CHM: variants seen among roughly 807,000 people sequenced by gnomAD.
The protein encoded by CHM is rab proteins geranylgeranyltransferase component A 1.
A neutral mutation model predicts 49.0 loss-of-function variants in CHM; 10 were observed. The ratio of observed to expected loss-of-function variants is 0.20; its 90% CI spans 0.13 to 0.35. The LOEUF is 0.35. CHM is among the 10% of genes least tolerant of loss of function. The pLI, the probability that CHM is intolerant of heterozygous loss-of-function variation, is 1.00. For missense variants in CHM, 455 were observed against 478.4 expected, an observed-to-expected ratio of 0.95 and a Z score of 0.46; for synonymous variants, 184 against 167.5, an observed-to-expected ratio of 1.10 and a Z score of -0.76.
chrX:85,885,158 G>C (rs762425610), intron 12 of CHM, among the ~76,000 whole-genome samples: 22 of 110,284 alleles, frequency 2.0e-4, no homozygotes, highest in Non-Finnish European at 3.8e-4. Flanking sequence ...ATCAGAATTA[G>C]TTAACAAGTG....
At chrX:85,928,223 A>T (rs1201543454) in intron 8 of CHM, among the ~76,000 whole-genome samples, 1 of 112,382 alleles carries the variant, frequency 8.9e-6, no homozygotes, top group African/African-American at 3.2e-5. Context: ...ACTATTATAT[A>T]CATATGCATT....
intron 8 of CHM, among the ~76,000 whole-genome samples, chrX:85,940,735 TA>T (rs1401821329): frequency 1.8e-5 from 2 of 111,644 alleles, no homozygotes; most frequent in Non-Finnish European, 3.8e-5. Flanking sequence ...TAAAGATAGG[TA>T]TGAACAGACT....
chrX:85,906,605 C>A (rs1174388222), intron 9 of CHM, among the ~76,000 whole-genome samples: 1 of 111,686 alleles, frequency 9.0e-6, no homozygotes, highest in Admixed American at 9.5e-5. Context: ...GAGCTGTACT[C>A]TTTACTGAAG....
Position 86,047,523 on chromosome X carries a change from T to G in CHM, c.10A>C (p.Thr4Pro). MAD[T>P]LPSEFDVIVI... ...ATCACATCAAACTCCGAAGGGAGAGTATCCGCCATCTTGACGGGAAACGTG... is the reference window on the plus strand; with the variant it reads ...ATCACATCAAACTCCGAAGGGAGAGGATCCGCCATCTTGACGGGAAACGTG... The change falls in exon 1 of 15, where the codon ACT (threonine) becomes CCT (proline). Residue 4 changes from threonine to proline, a missense_variant. Thr to Pro is a conservative substitution (Grantham distance 38). Coordinates refer to ENST00000357749, the MANE Select transcript of CHM (RefSeq NM_000390.4). 8.3e-7 allele frequency: 1 copy of G among 1,205,752 alleles called. No individual in the cohort carries two copies. The highest frequency in any genetic ancestry group is 1.1e-6 in the Non-Finnish European group (1 of 891,910).
Position 85,956,112 on chromosome X carries a change from A to G in CHM, c.1166+41T>C, listed in dbSNP as rs768987230. On this transcript the variant is annotated intron_variant, in intron 8 of 14. Coordinates refer to ENST00000357749, the MANE Select transcript of CHM (RefSeq NM_000390.4). ...CCTAATTTTCATCTGTTATTCAAGT[A>G]TCACTTTTAGAAGGGACAAGAAAAT... 2.8e-5 allele frequency: 31 copies of G among 1,103,561 alleles called. No homozygotes were observed. In the South Asian group the frequency reaches 3.7e-4, roughly 13 times the overall value. 90.9% of individuals were successfully genotyped at this position (1,103,561 alleles called of 1,213,427 possible).
At chrX:85,879,747 G>A (rs1441036725) in intron 12 of CHM, among the ~76,000 whole-genome samples, 1 of 110,820 alleles carries the variant, frequency 9.0e-6, no homozygotes, top group African/African-American at 3.3e-5. Flanking sequence ...AGAGTTCTGT[G>A]TTTTGCAATA....
chrX:85,907,267 G>A (rs1926655903), intron 9 of CHM, among the ~76,000 whole-genome samples: 1 of 112,491 alleles, frequency 8.9e-6, no homozygotes. Flanking sequence ...GACAGGTGAA[G>A]TACACAGGAA....
chrX:85,953,473 G>A (rs1047818657), intron 8 of CHM, among the ~76,000 whole-genome samples: 1 of 111,507 alleles, frequency 9.0e-6, no homozygotes, highest in African/African-American at 3.3e-5. Context: ...AAGCTATCCT[G>A]AGCAAAAATA....
chrX:85,880,320 G>A (rs1424161028), intron 12 of CHM, among the ~76,000 whole-genome samples: 1 of 111,098 alleles, frequency 9.0e-6, no homozygotes, highest in African/African-American at 3.3e-5. Flanking sequence ...AATTATTTTG[G>A]TTAACTTTTT....
At chrX:86,003,116 C>T (rs1012387162) in intron 2 of CHM, among the ~76,000 whole-genome samples, 8 of 112,021 alleles carry the variant, frequency 7.1e-5, no homozygotes, top group Non-Finnish European at 3.8e-5. Flanking sequence ...CCCAGGCATA[C>T]AGGGTCTGGA....
chrX:85,879,893 G>GT (rs1924654880), intron 12 of CHM, among the ~76,000 whole-genome samples: 1 of 109,433 alleles, frequency 9.1e-6, no homozygotes, highest in Non-Finnish European at 1.9e-5. Flanking sequence ...CACTATATTA[G>GT]TAGGGGGAGA....
chrX:85,989,557 C>G (rs1387121689), intron 2 of CHM, among the ~76,000 whole-genome samples: 1 of 111,926 alleles, frequency 8.9e-6, no homozygotes, highest in African/African-American at 3.2e-5. Flanking sequence ...ACAGAGTAAA[C>G]ACACAACCTA....
intron 1 of CHM, among the ~76,000 whole-genome samples, chrX:86,038,559 TA>T (rs1934335049): frequency 8.9e-6 from 1 of 112,207 alleles, no homozygotes; most frequent in African/African-American, 3.2e-5. Context: ...CTTGGTAAAA[TA>T]AACTTTCTAA....
chrX:85,900,847 C>T (rs1926227056), intron 10 of CHM, 138 bp from the exon 11 acceptor site: 3 of 552,172 alleles, frequency 5.4e-6, no homozygotes, highest in Middle Eastern at 6.6e-4. Context: ...AAGTCAAGTT[C>T]GGCTTTAATC....
At chrX:85,990,369 A>G (rs1190075075) in intron 2 of CHM, among the ~76,000 whole-genome samples, 1 of 111,822 alleles carries the variant, frequency 8.9e-6, no homozygotes, top group African/African-American at 3.2e-5. Context: ...AGCAGAAAAT[A>G]TAACTTTTGG....
intron 8 of CHM, among the ~76,000 whole-genome samples, chrX:85,939,397 G>C (rs1460491885): frequency 1.8e-5 from 2 of 112,183 alleles, no homozygotes; most frequent in African/African-American, 6.5e-5. Context: ...AAAATTTCTA[G>C]ATATGAGATA....
intron 8 of CHM, among the ~76,000 whole-genome samples, chrX:85,955,096 G>C (rs1603262029): frequency 9.0e-6 from 1 of 111,213 alleles, no homozygotes; most frequent in Non-Finnish European, 1.9e-5. Flanking sequence ...TCAGAGCCTG[G>C]GGCGGGTTTT....
At chrX:85,916,435 A>G (rs5967646) in intron 8 of CHM, among the ~76,000 whole-genome samples, 3,394 of 112,274 alleles carry the variant, frequency 0.03, 115 homozygotes, top group African/African-American at 0.1. Context: ...AATTTCAACA[A>G]AAGCAAACAT....
At chrX:85,968,224 C>T (rs1327861729) in intron 4 of CHM, among the ~76,000 whole-genome samples, 1 of 111,805 alleles carries the variant, frequency 8.9e-6, no homozygotes, top group Non-Finnish European at 1.9e-5. Flanking sequence ...TACAAAATAG[C>T]AATATAAAAA....
Sources: allele counts gnomAD v4.1 joint callset (sites outside exome capture counted in the v4.1 genomes callset), GRCh38; gene constraint gnomAD v4.1.1; transcripts MANE v1.5; gene names NCBI Gene and HGNC (gene_info 2026-07-23, HGNC 2026-07-21).